The following PCDH9 variants were observed in gnomAD, a reference collection of about 807,000 sequenced individuals.
PCDH9 encodes protocadherin-9.
PCDH9 carries 24 observed loss-of-function variants against 70.6 expected under a neutral mutation model. That is an observed-to-expected ratio of 0.34 (90% CI 0.25 to 0.48). The LOEUF (loss-of-function observed/expected upper bound fraction) is 0.48. Among genes scored for constraint, PCDH9 ranks in the 20% least tolerant of loss-of-function variants. The pLI, the probability that PCDH9 is intolerant of heterozygous loss-of-function variation, is 0.99. For missense variants in PCDH9, 1,281 were observed against 1,503.6 expected (o/e 0.85, Z 2.45); for synonymous variants, 562 against 558.5 (o/e 1.01, Z -0.09).
chr13:66,685,719 G>A (rs559530995), intron 3 of PCDH9, among the ~76,000 whole-genome samples: 1 of 152,324 alleles, frequency 6.6e-6, no homozygotes, highest in Admixed American at 6.5e-5. Flanking sequence ...GCTGCCCAAG[G>A]CCATGGAAGC....
chr13:66,454,147 T>C (rs1958270248), intron 4 of PCDH9, among the ~76,000 whole-genome samples: 1 of 152,060 alleles, frequency 6.6e-6, no homozygotes, highest in African/African-American at 2.4e-5. Flanking sequence ...TAAGACTTGT[T>C]TTTTTCTTTT....
intron 2 of PCDH9, among the ~76,000 whole-genome samples, chr13:67,119,023 T>A (rs2086830413): frequency 6.6e-6 from 1 of 152,166 alleles, no homozygotes; most frequent in Admixed American, 6.6e-5. Context: ...TAACGGTGAA[T>A]TAAAGCACAA....
At chr13:66,476,702 T>C (rs538828995) in intron 4 of PCDH9, among the ~76,000 whole-genome samples, 28 of 152,108 alleles carry the variant, frequency 1.8e-4, no homozygotes, top group Admixed American at 6.6e-4. Context: ...CTCTCTTCCA[T>C]ATTCACCTAA....
At chr13:67,145,950 C>T (rs1000393330) in intron 2 of PCDH9, among the ~76,000 whole-genome samples, 5 of 151,994 alleles carry the variant, frequency 3.3e-5, no homozygotes, top group African/African-American at 9.7e-5. Flanking sequence ...ATTATAGGGT[C>T]TTAATATCTA....
intron 4 of PCDH9, among the ~76,000 whole-genome samples, chr13:66,535,682 T>A (rs142792036): frequency 6.6e-6 from 1 of 152,194 alleles, no homozygotes; most frequent in East Asian, 1.9e-4. Flanking sequence ...ATATTATGCT[T>A]ATTATGCTTC....
intron 3 of PCDH9, among the ~76,000 whole-genome samples, chr13:66,802,830 T>C (rs1323924932): frequency 1.3e-5 from 2 of 152,100 alleles, no homozygotes; most frequent in African/African-American, 2.4e-5. Flanking sequence ...GCAAGAGGTG[T>C]TTTGCTAGTT....
chr13:66,949,136 T>C (rs924563721), intron 2 of PCDH9, among the ~76,000 whole-genome samples: 2 of 152,124 alleles, frequency 1.3e-5, no homozygotes, highest in Non-Finnish European at 2.9e-5. Context: ...TCTGGGTGCT[T>C]TATTATGCAT....
At chr13:66,606,951 T>C (rs906486655) in intron 4 of PCDH9, among the ~76,000 whole-genome samples, 4 of 152,144 alleles carry the variant, frequency 2.6e-5, no homozygotes, top group Non-Finnish European at 4.4e-5. Context: ...GTAATCCTTC[T>C]GTGTTTTGTG....
chr13:66,594,769 G>T lies in PCDH9; in HGVS notation c.3340+36441C>A, dbSNP rs1049129484. Among the ~76,000 whole-genome samples, 3 of 151,444 alleles carry T rather than the reference G, an allele frequency of 2.0e-5. No individual in the cohort carries two copies. The Admixed American group carries it at 2.0e-4, about 10-fold the overall frequency. ...ATGTAGTGTTTGGTTTTCTGTTCCC[G>T]CATTAGTTTGCAGAGGATAATGGCT... On this transcript the variant is annotated intron_variant, in intron 4 of 4. Coordinates refer to ENST00000377865, the MANE Select transcript of PCDH9 (RefSeq NM_203487.3).
chr13:66,685,531 C>T (rs2078388797), intron 3 of PCDH9, among the ~76,000 whole-genome samples: 1 of 152,202 alleles, frequency 6.6e-6, no homozygotes, highest in Non-Finnish European at 1.5e-5. Context: ...GGAGCCCCCA[C>T]ACAGAGTCCC....
At chr13:66,846,138 A>AT (rs781118839) in intron 3 of PCDH9, among the ~76,000 whole-genome samples, 19 of 61,748 alleles carry the variant, frequency 3.1e-4, no homozygotes, top group South Asian at 1.5e-3. Context: ...AAAAAGACCA[A>AT]AAAAAAAAAA....
intron 4 of PCDH9, among the ~76,000 whole-genome samples, chr13:66,529,637 A>G (rs145913142): frequency 1.9e-3 from 296 of 152,182 alleles, no homozygotes; most frequent in African/African-American, 6.8e-3. Context: ...CAAGAAGTCC[A>G]TTTGAAAGTT....
At chr13:66,387,374 T>G (rs538088120) in intron 4 of PCDH9, among the ~76,000 whole-genome samples, 1 of 152,178 alleles carries the variant, frequency 6.6e-6, no homozygotes, top group South Asian at 2.1e-4. Context: ...CTGATATAGT[T>G]GGATATTTGT....
chr13:66,589,064 C>G (rs1006928333), intron 4 of PCDH9, among the ~76,000 whole-genome samples: 1 of 151,924 alleles, frequency 6.6e-6, no homozygotes, highest in African/African-American at 2.4e-5. Context: ...TTGCTTTAGT[C>G]GTTGGTTATC....
intron 3 of PCDH9, among the ~76,000 whole-genome samples, chr13:66,642,001 CTATT>C (rs1448796510): frequency 3.3e-5 from 5 of 151,918 alleles, no homozygotes; most frequent in African/African-American, 4.8e-5. Flanking sequence ...TATTCAAGCA[CTATT>C]TATTTACTTC....
chr13:66,438,930 TAGG>T, intron 4 of PCDH9, among the ~76,000 whole-genome samples: 2 of 152,330 alleles, frequency 1.3e-5, no homozygotes, highest in Middle Eastern at 3.4e-3. Context: ...TAGGAAAGGA[TAGG>T]AGTTCTTCCC....
chr13:66,497,814 CTTTTTTTTTTT>C (rs763360211), intron 4 of PCDH9, among the ~76,000 whole-genome samples: 11 of 111,324 alleles, frequency 9.9e-5, no homozygotes, highest in South Asian at 6.4e-4. Flanking sequence ...CACACTCTTA[CTTTTTTTTTTT>C]TTTTTTTTTT....
At chr13:66,499,002 G>A (rs1217373815) in intron 4 of PCDH9, among the ~76,000 whole-genome samples, 1 of 151,688 alleles carries the variant, frequency 6.6e-6, no homozygotes, top group Non-Finnish European at 1.5e-5. Context: ...ATGAAGTGTT[G>A]AAGGAACATT....
At chr13:66,458,706 C>G (rs1958365560) in intron 4 of PCDH9, among the ~76,000 whole-genome samples, 1 of 152,002 alleles carries the variant, frequency 6.6e-6, no homozygotes, top group African/African-American at 2.4e-5. Flanking sequence ...GTGTTATTAC[C>G]TAGAAGACAA....
Sources: gnomAD v4.1 joint callset for allele counts (sites outside exome capture counted in the v4.1 genomes callset) on GRCh38, gnomAD v4.1.1 for gene constraint, MANE v1.5 for transcripts, NCBI Gene and HGNC (gene_info 2026-07-23, HGNC 2026-07-21) for gene names.